Variants in CAPN5 observed in about 807,000 individuals in gnomAD.
CAPN5 encodes calpain 5, also known as calpain-5.
In CAPN5, 54 loss-of-function variants were observed where a neutral mutation model predicts 73.0. That is an observed-to-expected ratio of 0.74 (90% confidence interval 0.59 to 0.93). The LOEUF (loss-of-function observed/expected upper bound fraction) is 0.93, where lower values mean the gene tolerates loss of function less well. Ranked by LOEUF, CAPN5 falls within the 40% of genes least tolerant of loss-of-function variation. CAPN5 has a pLI of 0.00. For missense variants in CAPN5, 785 were observed against 882.9 expected (o/e 0.89, Z 1.41); for synonymous variants, 335 against 356.9 (o/e 0.94, Z 0.69).
chr11:77,085,200 C>A, intron 2 of CAPN5, 149 bp downstream of exon 2: 1 of 695,522 alleles, frequency 1.4e-6, no homozygotes, highest in Non-Finnish European at 2.4e-6. Context: ...GGGATTTGAT[C>A]CGGATGGGGA....
In CAPN5 at chr11:77,124,041, G is replaced by A; in HGVS notation, c.*171G>A. 2 of 635,384 alleles carry A rather than the reference G, an allele frequency of 3.1e-6. No homozygotes were observed. The highest frequency in any genetic ancestry group is 5.4e-6 in the Non-Finnish European group (2 of 371,604). 39.4% of individuals were successfully genotyped at this position (635,384 alleles called of 1,614,324 possible). On this transcript the variant is annotated 3_prime_UTR_variant, in exon 13 of 13. Coordinates refer to ENST00000648180, the MANE Select transcript of CAPN5 (RefSeq NM_004055.5). ...CCTCTCTCAGCCTCAGTGTCCCGAG[G>A]GCCCCGAAGCATTCCATTCTCGTGG...
intron 2 of CAPN5, among the ~76,000 whole-genome samples, chr11:77,085,317 G>A (rs1950074467): frequency 6.6e-6 from 1 of 152,218 alleles, no homozygotes; most frequent in Admixed American, 6.5e-5. Flanking sequence ...AAATGGGGCA[G>A]TAACCTCAGC....
chr11:77,085,250 T>C (rs1555035299), intron 2 of CAPN5, among the ~76,000 whole-genome samples, 199 bp downstream of exon 2: 1 of 152,166 alleles, frequency 6.6e-6, no homozygotes, highest in Admixed American at 6.5e-5. Flanking sequence ...CACCACTGGA[T>C]TGGTTGAGGC....
intron 12 of CAPN5, 70 bp from the exon 13 acceptor site, chr11:77,123,618 C>A (rs1442419842): frequency 6.1e-6 from 8 of 1,303,360 alleles, no homozygotes; most frequent in African/African-American, 4.4e-5. Flanking sequence ...ACCACCAGCA[C>A]CCCCCATAGA....
intron 11 of CAPN5, among the ~76,000 whole-genome samples, 155 bp downstream of exon 11, chr11:77,122,204 G>A (rs1555042944): frequency 6.6e-6 from 1 of 152,228 alleles, no homozygotes; most frequent in Non-Finnish European, 1.5e-5. Context: ...GGCACATAGA[G>A]AGGAAAAGGT....
At position 77,123,744 on chromosome 11, in the gene CAPN5, T is replaced by TGAACCGGACAACCTCCAGGCC. The variant is rs1950546828; in HGVS notation, c.1799_1800insACCGGACAACCTCCAGGCCGA (p.Ala599_Asp600insGluProAspAsnLeuGlnAla). On this transcript the variant is annotated inframe_insertion, in exon 13 of 13. Coordinates refer to ENST00000648180, the MANE Select transcript of CAPN5 (RefSeq NM_004055.5). ...TTCTGGGCCAGGTGCACCTAAAGGC[T>TGAACCGGACAACCTCCAGGCC]GACCCGGACAACCTCCAGGCCCTGC... The TGAACCGGACAACCTCCAGGCC allele has an allele frequency of 6.2e-7, 1 of 1,613,796 alleles. No homozygotes were observed. The highest frequency in any genetic ancestry group is 8.5e-7 in the Non-Finnish European group (1 of 1,179,964).
chr11:77,113,610 G>A lies in CAPN5; in HGVS notation c.507-632G>A, dbSNP rs117152846. Among the ~76,000 whole-genome samples the A allele has an allele frequency of 7.2e-4, 109 of 152,148 alleles. 1 individual carries two copies. In the East Asian group the frequency reaches 0.012, roughly 17 times the overall value. On this transcript the variant is annotated intron_variant, in intron 4 of 12. Coordinates refer to ENST00000648180, the MANE Select transcript of CAPN5 (RefSeq NM_004055.5). Reference sequence around the variant, plus strand: ...GAAAACAAGAGAAAGGGGGAGAGAGGAAAAGGAAAGACAAAAACTCCCAAC... The same window carrying A: ...GAAAACAAGAGAAAGGGGGAGAGAGAAAAAGGAAAGACAAAAACTCCCAAC...
Position 77,093,597 on chromosome 11 carries a change from ACGTCTGTGTCT to A in CAPN5, c.166-84_166-74del, listed in dbSNP as rs377207689. Reference sequence around the variant, plus strand: ...ATCACACAGCAAGTCTGTGTCTGTCACGTCTGTGTCTGTCATGTCTCCTGCCATGGGGGGCA... The same window carrying A: ...ATCACACAGCAAGTCTGTGTCTGTCAGTCATGTCTCCTGCCATGGGGGGCA... On this transcript the variant is annotated intron_variant, in intron 2 of 12. Transcript: ENST00000648180. The A allele has an allele frequency of 2.5e-3, 1,927 of 774,860 alleles. 13 individuals are homozygous for A. The African/African-American group carries it at 0.027, about 11-fold the overall frequency. The allele number at this position is 774,860 out of a possible 1,614,324, so 48.0% of individuals were successfully genotyped here.
chr11:77,123,264 G>A (rs1374127250), intron 12 of CAPN5, among the ~76,000 whole-genome samples: 9 of 152,180 alleles, frequency 5.9e-5, no homozygotes, highest in Non-Finnish European at 1.2e-4. Context: ...GGGTCCCCCT[G>A]GGGGAGCCAC....
At chr11:77,079,271 T>C (rs531434980) in intron 1 of CAPN5, among the ~76,000 whole-genome samples, 5 of 152,298 alleles carry the variant, frequency 3.3e-5, no homozygotes, top group East Asian at 1.9e-4. Context: ...TAGTATTTTG[T>C]TGAAGGTTTT....
At chr11:77,121,723 G>C (rs960420968) in intron 10 of CAPN5, among the ~76,000 whole-genome samples, 1 of 152,256 alleles carries the variant, frequency 6.6e-6, no homozygotes, top group African/African-American at 2.4e-5. Flanking sequence ...CCCTGGGGAA[G>C]GATGGGGTAC....
intron 5 of CAPN5, 88 bp from the exon 6 acceptor site, chr11:77,115,307 G>A (rs184292940): frequency 3.7e-6 from 4 of 1,079,154 alleles, no homozygotes; most frequent in East Asian, 2.5e-5. Flanking sequence ...TGTAGGTCCC[G>A]TGCAGCCTCC....
intron 1 of CAPN5, among the ~76,000 whole-genome samples, chr11:77,075,579 C>T (rs1203516847): frequency 6.6e-6 from 1 of 152,350 alleles, no homozygotes; most frequent in East Asian, 1.9e-4. Context: ...ATGTGGTGTC[C>T]AGCTGGACAG....
At chr11:77,099,793 TC>T (rs1311632950) in intron 3 of CAPN5, among the ~76,000 whole-genome samples, 2 of 150,718 alleles carry the variant, frequency 1.3e-5, no homozygotes, top group African/African-American at 4.9e-5. Context: ...GAGAGGGAGT[TC>T]CTTCTAGTTT....
intron 6 of CAPN5, 133 bp downstream of exon 6, chr11:77,115,721 G>A (rs1555041643): frequency 1.4e-6 from 1 of 696,708 alleles, no homozygotes; most frequent in African/African-American, 1.8e-5. Flanking sequence ...GAACGAAGAA[G>A]GGAGAATTAC....
At chr11:77,102,112 G>A (rs1361587666) in intron 3 of CAPN5, among the ~76,000 whole-genome samples, 1 of 152,192 alleles carries the variant, frequency 6.6e-6, no homozygotes, top group African/African-American at 2.4e-5. Context: ...AGGAGTTCTG[G>A]GAGGGGGTCC....
At chr11:77,078,919 T>C (rs1950000743) in intron 1 of CAPN5, among the ~76,000 whole-genome samples, 1 of 152,204 alleles carries the variant, frequency 6.6e-6, no homozygotes, top group South Asian at 2.1e-4. Context: ...TTTCTGTGTA[T>C]TCCTTCTATA....
rs781929811 is a variant in CAPN5 at position 77,116,321 on chromosome 11, C to T, written c.971+18C>T. The T allele has an allele frequency of 2.5e-6, 4 of 1,605,642 alleles. No homozygotes were observed. Among genetic ancestry groups the T allele is most frequent in the Non-Finnish European group, 3.4e-6 (4 of 1,174,390 alleles). The stretch of plus-strand genomic sequence containing the variant: ...GAGTTCTGGTGAGTGTGTATGTGCC[C>T]TGGGCGTCCGGGGCTGAGGGGGCTT... On this transcript the variant is annotated intron_variant, in intron 7 of 12. Coordinates refer to ENST00000648180, the MANE Select transcript of CAPN5 (RefSeq NM_004055.5).
At chr11:77,099,745 G>C (rs1284564119) in intron 3 of CAPN5, among the ~76,000 whole-genome samples, 2 of 148,694 alleles carry the variant, frequency 1.3e-5, no homozygotes, top group East Asian at 2.0e-4. Context: ...GAGAGGGAGA[G>C]GGAGACGGAG....
Sources: gnomAD v4.1 joint callset for allele counts (sites outside exome capture counted in the v4.1 genomes callset) on GRCh38, gnomAD v4.1.1 for gene constraint, MANE v1.5 for transcripts, NCBI Gene and HGNC (gene_info 2026-07-23, HGNC 2026-07-21) for gene names.